ASGR1: variants seen among roughly 807,000 people sequenced by gnomAD.
ASGR1 encodes C-type lectin domain family 4 member H1.
ASGR1 carries 35 observed loss-of-function variants against 33.1 expected under a neutral mutation model. The observed-to-expected ratio is 1.06, with a 90% CI of 0.81 to 1.40. The LOEUF is 1.40. Among genes scored for constraint, ASGR1 ranks in the 40% most tolerant of loss-of-function variants. The probability of loss-of-function intolerance (pLI) is 0.00; values close to 1 mark genes in which losing one functional copy is unlikely to be tolerated. For synonymous variants in ASGR1, 142 were observed against 152.5 expected (o/e 0.93, Z 0.51); for missense variants, 396 against 373.7 (o/e 1.06, Z -0.49).
chr17:7,173,985 C>A lies in ASGR1; in HGVS notation c.677G>T (p.Gly226Val), dbSNP rs2069164300. 2 of 1,614,112 alleles carry A rather than the reference C, an allele frequency of 1.2e-6. No homozygotes were observed. The highest frequency in any genetic ancestry group is 1.7e-6 in the Non-Finnish European group (2 of 1,180,022). The change falls in exon 8 of 9, where the codon GGG becomes GTG. Residue 226 changes from glycine to valine, a missense_variant. Gly to Val is a moderately radical substitution (Grantham distance 109). Transcript: ENST00000269299. This position sits in a 1 kb window ranked among gnomAD's most constrained non-coding sequence, Gnocchi z 4.7. ...DQNGPWKWVD[G>V]TDYETGFKNW... ...CTTGAAGCCCGTCTCGTAGTCCGTCCCGTCCACCCACTTCCAGGGCCCGTT... is the reference window on the plus strand; with the variant it reads ...CTTGAAGCCCGTCTCGTAGTCCGTCACGTCCACCCACTTCCAGGGCCCGTT...
At position 7,173,785 on chromosome 17, in the gene ASGR1, TC is replaced by T; in HGVS notation, c.749del (p.Gly250GlufsTer83). ...TGAAGTGGGCACAGTCCTCGCCTCC[TC>T]CGAGCCCGTGGCCGTACCAGTCGTC... Reference protein sequence around the residue: ...QPDDWYGHGLGGGEDCAHFTD... With the variant: ...QPDDWYGHGLXGGEDCAHFTD... On this transcript the variant is annotated frameshift_variant, in exon 9 of 9. Transcript: ENST00000269299. LOFTEE classifies it low-confidence loss of function (END_TRUNC). The surrounding 1 kb of genome is among the most constrained non-coding windows in gnomAD (Gnocchi z 4.7). 6.2e-7 allele frequency: 1 copy of T among 1,612,782 alleles called. No homozygotes were observed. Among genetic ancestry groups the T allele is most frequent in the Non-Finnish European group, 8.5e-7 (1 of 1,179,914 alleles).
Position 7,176,906 on chromosome 17 carries a change from G to A in ASGR1, c.284-5C>T, listed in dbSNP as rs1260607033. Reference sequence around the variant, plus strand: ...TCTTTCTTCCCACATTGCCTCCTGCGGGAGAGGCTCGCTCAGCGTTCCCGA... The same window carrying A: ...TCTTTCTTCCCACATTGCCTCCTGCAGGAGAGGCTCGCTCAGCGTTCCCGA... On this transcript the variant is annotated splice_polypyrimidine_tract_variant and splice_region_variant and intron_variant, in intron 4 of 8. Transcript: ENST00000269299. The A allele has an allele frequency of 3.1e-6, 5 of 1,612,698 alleles. No individual in the cohort carries two copies. The highest frequency in any genetic ancestry group is 2.7e-5 in the African/African-American group (2 of 74,936).
At position 7,174,047 on chromosome 17, in the gene ASGR1, T is replaced by A; in HGVS notation, c.615A>T (p.Ile205=). The A allele has an allele frequency of 6.2e-7, 1 of 1,614,168 alleles. No homozygotes were observed. The highest frequency in any genetic ancestry group is 8.5e-7 in the Non-Finnish European group (1 of 1,179,998). Residue 205 remains isoleucine (I), a synonymous_variant, in exon 8 of 9, where the codon ATA becomes ATT. Coordinates refer to ENST00000269299, the MANE Select transcript of ASGR1 (RefSeq NM_001671.5). ...WEEQKFVQHH[I]GPVNTWMGLH... ...GGCCCATCCAGGTGTTCACAGGGCCTATGTGGTGCTGGACAAATTTCTGAG... is the reference window on the plus strand; with the variant it reads ...GGCCCATCCAGGTGTTCACAGGGCCAATGTGGTGCTGGACAAATTTCTGAG...
intron 5 of ASGR1, 105 bp from the exon 6 acceptor site, chr17:7,174,565 C>T (rs1205556823): frequency 7.7e-6 from 9 of 1,170,032 alleles, no homozygotes; most frequent in Admixed American, 6.5e-5. Context: ...CCCGAACACC[C>T]GTCGCATTGC....
chr17:7,176,081 TTC>T lies in ASGR1; in HGVS notation c.355+747_355+748del, dbSNP rs1315664942. ...TCACACACCCATCCACTCCTTCTCA[TTC>T]TCACACTCACACACACTCCCTCTCA... On this transcript the variant is annotated intron_variant, in intron 5 of 8. Coordinates refer to ENST00000269299, the MANE Select transcript of ASGR1 (RefSeq NM_001671.5). 3.8e-5 allele frequency among the ~76,000 whole-genome samples: 5 copies of T among 132,972 alleles called. No homozygotes were observed. In the East Asian group the frequency reaches 7.1e-4, roughly 19 times the overall value. 87.2% of individuals were successfully genotyped at this position (132,972 alleles called of 152,430 possible).
At position 7,173,686 on chromosome 17, in the gene ASGR1, C is replaced by A. The variant is rs1441819922; in HGVS notation, c.849G>T (p.Lys283Asn). The A allele has an allele frequency of 1.2e-6, 2 of 1,613,788 alleles. No individual in the cohort carries two copies. Among genetic ancestry groups the A allele is most frequent in the Non-Finnish European group, 1.7e-6 (2 of 1,180,048 alleles). ...YRWVCETELD[K>N]ASQEPPLL ...AAAGGAGAGGTGGCTCCTGGCTGGC[C>A]TTGTCCAGCTCTGTCTCGCAGACCC... is the stretch of plus-strand genomic sequence containing the variant. Residue 283 changes from lysine to asparagine, a missense_variant, in exon 9 of 9, where the codon AAG (lysine) becomes AAT (asparagine). Lys to Asn is a moderately conservative substitution (Grantham distance 94, BLOSUM62 0). Coordinates refer to ENST00000269299, the MANE Select transcript of ASGR1 (RefSeq NM_001671.5). The surrounding 1 kb of genome is among the most constrained non-coding windows in gnomAD (Gnocchi z 4.7).
At position 7,177,296 on chromosome 17, in the gene ASGR1, C is replaced by T. The variant is rs777852498; in HGVS notation, c.101G>A (p.Arg34His). 30 of 1,613,478 alleles carry T rather than the reference C, an allele frequency of 1.9e-5. No individual in the cohort carries two copies. Among genetic ancestry groups the T allele is most frequent in the Non-Finnish European group, 2.5e-5 (30 of 1,179,878 alleles). Residue 34 changes from arginine (R) to histidine (H), a missense_variant, in exon 3 of 9, where the codon CGT becomes CAT. Physicochemically the swap from Arg to His is conservative, Grantham distance 29 (BLOSUM62 0). Transcript: ENST00000269299. ...GPPPPQPLLQ[R>H]LCSGPRLLLL... The stretch of plus-strand genomic sequence containing the variant: ...GAGGAGGCGAGGTCCGGAGCAGAGA[C>T]GCTGCAGGAGGGGCTGGGGAGGAGG...
chr17:7,176,273 AC>A (rs1597423290), intron 5 of ASGR1, among the ~76,000 whole-genome samples: 8 of 142,446 alleles, frequency 5.6e-5, no homozygotes, highest in South Asian at 2.2e-4. Context: ...ACACTCACTC[AC>A]ACACCCCATC....
intron 2 of ASGR1, 119 bp downstream of exon 2, chr17:7,178,375 G>C: frequency 4.7e-6 from 5 of 1,061,978 alleles, no homozygotes; most frequent in Admixed American, 1.8e-5. Flanking sequence ...CCCAGTGTTG[G>C]GGGAGGGAGA....
chr17:7,176,517 C>G, intron 5 of ASGR1: 2 of 426,464 alleles, frequency 4.7e-6, no homozygotes. Context: ...ACACACACCC[C>G]CTCTCATTCC....
intron 5 of ASGR1, 50 bp from the exon 6 acceptor site, chr17:7,174,510 G>C (rs1001530042): frequency 1.9e-6 from 3 of 1,570,772 alleles, no homozygotes; most frequent in Middle Eastern, 3.6e-4. Context: ...AAACCACGGG[G>C]AGGGAAACGG....
intron 5 of ASGR1, among the ~76,000 whole-genome samples, chr17:7,176,247 A>AC (rs1306426760): frequency 3.2e-5 from 4 of 126,014 alleles, no homozygotes; most frequent in Non-Finnish European, 4.7e-5. Context: ...AGACACACAC[A>AC]CCCCATCTCA....
At chr17:7,174,105 C>T (rs745961817) in intron 7 of ASGR1, 33 bp downstream of exon 7, 15 of 1,613,990 alleles carry the variant, frequency 9.3e-6, no homozygotes, top group Non-Finnish European at 1.2e-5. Context: ...CTCTCCGAGG[C>T]CAGCCAGCCT....
chr17:7,173,567 A>G lies in ASGR1; in HGVS notation c.*92T>C, dbSNP rs1284862307. 1 of 1,535,206 alleles carries G rather than the reference A, an allele frequency of 6.5e-7. No individual in the cohort carries two copies. The highest frequency in any genetic ancestry group is 8.8e-7 in the Non-Finnish European group (1 of 1,130,772). Reference sequence around the variant, plus strand: ...CCTTCCCCTTCCCTTAAAATCCTAGATGAAAATTCCCGAGAAAGCAGAAGA... The same window carrying G: ...CCTTCCCCTTCCCTTAAAATCCTAGGTGAAAATTCCCGAGAAAGCAGAAGA... On this transcript the variant is annotated 3_prime_UTR_variant, in exon 9 of 9. Coordinates refer to ENST00000269299, the MANE Select transcript of ASGR1 (RefSeq NM_001671.5). This position sits in a 1 kb window ranked among gnomAD's most constrained non-coding sequence, Gnocchi z 4.7.
In ASGR1 at chr17:7,175,779, G is replaced by T. The variant is rs528043785; in HGVS notation, c.355+1051C>A. Among the ~76,000 whole-genome samples, 8 of 129,276 alleles carry T rather than the reference G, an allele frequency of 6.2e-5. No individual in the cohort carries two copies. In the South Asian group the frequency reaches 1.9e-3, roughly 31 times the overall value. 84.8% of individuals were successfully genotyped at this position (129,276 alleles called of 152,430 possible). On this transcript the variant is annotated intron_variant, in intron 5 of 8. Coordinates refer to ENST00000269299, the MANE Select transcript of ASGR1 (RefSeq NM_001671.5). ...CACACTCCTTCTCATTTTCACACAGGCTCTCACACACACACACACTCCCTC... is the reference window on the plus strand; with the variant it reads ...CACACTCCTTCTCATTTTCACACAGTCTCTCACACACACACACACTCCCTC...
chr17:7,176,246 CA>C lies in ASGR1; in HGVS notation c.355+583del, dbSNP rs1363138645. ...ACACACACACACTCACAGACACACA[CA>C]CCCCATCTCATTCTCACACTCACTC... On this transcript the variant is annotated intron_variant, in intron 5 of 8. Transcript: ENST00000269299. Among the ~76,000 whole-genome samples the C allele has an allele frequency of 2.9e-4, 42 of 143,514 alleles. 1 individual carries two copies. The highest frequency in any genetic ancestry group is 9.7e-4 in the African/African-American group (34 of 35,208). 94.2% of individuals were successfully genotyped at this position (143,514 alleles called of 152,430 possible).
intron 1 of ASGR1, 84 bp from the exon 2 acceptor site, chr17:7,178,672 C>A: frequency 2.5e-6 from 2 of 785,416 alleles, no homozygotes; most frequent in South Asian, 1.9e-5. Context: ...TTACTCCCAT[C>A]TGATTGACGG....
At position 7,174,061 on chromosome 17, in the gene ASGR1, C is replaced by G. The variant is rs762561375; in HGVS notation, c.601G>C (p.Val201Leu). 2.5e-6 allele frequency: 4 copies of G among 1,614,222 alleles called. No homozygotes were observed. Among genetic ancestry groups the G allele is most frequent in the Non-Finnish European group, 3.4e-6 (4 of 1,180,014 alleles). ...VVTSWEEQKF[V>L]QHHIGPVNTW... Reference sequence around the variant, plus strand: ...TTCACAGGGCCTATGTGGTGCTGGACAAATTTCTGAGGAGAGAGAAGGCGG... The same window carrying G: ...TTCACAGGGCCTATGTGGTGCTGGAGAAATTTCTGAGGAGAGAGAAGGCGG... The change falls in exon 8 of 9, where the codon GTC becomes CTC. Residue 201 changes from valine to leucine, a missense_variant. Physicochemically the swap from Val to Leu is conservative, Grantham distance 32. Coordinates refer to ENST00000269299, the MANE Select transcript of ASGR1 (RefSeq NM_001671.5).
chr17:7,173,608 G>A lies in ASGR1; in HGVS notation c.*51C>T, dbSNP rs548074236. On this transcript the variant is annotated 3_prime_UTR_variant, in exon 9 of 9. Transcript: ENST00000269299. The surrounding 1 kb of genome is among the most constrained non-coding windows in gnomAD (Gnocchi z 4.7). ...AAGCAGAAGAGGCCCCCAGATGGGC[G>A]GATTCCCAATCCCGGACCCCTGCGG... 8.7e-6 allele frequency: 14 copies of A among 1,608,540 alleles called. No individual in the cohort carries two copies. The South Asian group carries it at 1.4e-4, about 16-fold the overall frequency.
Sources: allele counts gnomAD v4.1 joint callset (sites outside exome capture counted in the v4.1 genomes callset), GRCh38; gene constraint gnomAD v4.1.1; non-coding constraint Gnocchi (gnomAD v3.1); transcripts MANE v1.5; gene names NCBI Gene and HGNC (gene_info 2026-07-23, HGNC 2026-07-21).